Variants in TSHZ3 observed in about 807,000 individuals in gnomAD.
TSHZ3 encodes teashirt zinc finger homeobox 3.
TSHZ3 carries 10 observed loss-of-function variants against 64.5 expected under a neutral mutation model. That is an observed-to-expected ratio of 0.16 (90% confidence interval 0.10 to 0.26). The LOEUF is 0.26. TSHZ3 is among the 10% of genes least tolerant of loss of function. TSHZ3 has a pLI of 1.00. For synonymous variants in TSHZ3, 608 were observed against 593.1 expected, an observed-to-expected ratio of 1.03 and a Z score of -0.36; for missense variants, 1,242 against 1,421.7, an observed-to-expected ratio of 0.87 and a Z score of 2.03.
At chr19:31,206,926 T>C (rs931500697) in intron 4 of TSHZ3, among the ~76,000 whole-genome samples, 28 of 152,350 alleles carry the variant, frequency 1.8e-4, no homozygotes, top group Non-Finnish European at 3.1e-4. Flanking sequence ...TCTAGTGTTA[T>C]AGAAGAAACA....
At chr19:31,240,462 C>G (rs796719907) in intron 3 of TSHZ3, among the ~76,000 whole-genome samples, 5 of 152,260 alleles carry the variant, frequency 3.3e-5, no homozygotes, top group African/African-American at 1.2e-4. Flanking sequence ...AAGACAGCTA[C>G]AGTCTCATAT....
chr19:31,288,127 T>G (rs1976497344), intron 1 of TSHZ3, among the ~76,000 whole-genome samples: 1 of 152,048 alleles, frequency 6.6e-6, no homozygotes, highest in Admixed American at 6.5e-5. Flanking sequence ...TTTTGTTTGT[T>G]AATCCTTTTT....
At chr19:31,308,117 C>T (rs1916350609) in intron 1 of TSHZ3, among the ~76,000 whole-genome samples, 1 of 152,146 alleles carries the variant, frequency 6.6e-6, no homozygotes, top group South Asian at 2.1e-4. Context: ...GAAAATAAAG[C>T]AGAATTGAAA....
chr19:31,338,554 T>A (rs548949962), intron 1 of TSHZ3, among the ~76,000 whole-genome samples: 1 of 151,878 alleles, frequency 6.6e-6, no homozygotes, highest in African/African-American at 2.4e-5. Context: ...GCTTTTCAGA[T>A]ACGGTGTTGG....
chr19:31,298,338 C>A (rs1489254866), intron 1 of TSHZ3, among the ~76,000 whole-genome samples: 1 of 152,108 alleles, frequency 6.6e-6, no homozygotes, highest in Non-Finnish European at 1.5e-5. Context: ...TCCCAGCCCT[C>A]CCCATACAGA....
At chr19:31,264,653 G>A (rs898263417) in intron 1 of TSHZ3, among the ~76,000 whole-genome samples, 1 of 151,924 alleles carries the variant, frequency 6.6e-6, no homozygotes, top group African/African-American at 2.4e-5. Context: ...TCTCACTGTT[G>A]TATGAAATCT....
downstream of TSHZ3, among the ~76,000 whole-genome samples, chr19:31,270,503 G>T (rs1051313254): frequency 1.3e-5 from 2 of 152,182 alleles, no homozygotes; most frequent in African/African-American, 4.8e-5. Flanking sequence ...TAGAGACAGG[G>T]TCTCACTATG....
At chr19:31,232,701 G>C (rs938240803) in intron 3 of TSHZ3, among the ~76,000 whole-genome samples, 1 of 152,088 alleles carries the variant, frequency 6.6e-6, no homozygotes, top group Non-Finnish European at 1.5e-5. Context: ...GCCTCTTAAA[G>C]TCAGTGACCT....
At chr19:31,181,105 G>A (rs575394268) in intron 5 of TSHZ3, among the ~76,000 whole-genome samples, 52 of 152,102 alleles carry the variant, frequency 3.4e-4, no homozygotes, top group African/African-American at 1.2e-3. Flanking sequence ...TTGACACCAA[G>A]GTTTTTAACT....
At chr19:31,334,570 T>C (rs901931484) in intron 1 of TSHZ3, among the ~76,000 whole-genome samples, 1 of 152,114 alleles carries the variant, frequency 6.6e-6, no homozygotes, top group Non-Finnish European at 1.5e-5. Flanking sequence ...GCCAGCAGGG[T>C]GGGGGCTGAG....
chr19:31,270,015 G>A (rs1461232274), downstream of TSHZ3, among the ~76,000 whole-genome samples: 2 of 152,250 alleles, frequency 1.3e-5, no homozygotes, highest in African/African-American at 4.8e-5. Flanking sequence ...TAAGGGCAGA[G>A]CAAGGTCACG....
intron 1 of TSHZ3, among the ~76,000 whole-genome samples, chr19:31,331,757 G>T (rs748344091): frequency 6.6e-6 from 1 of 152,258 alleles, no homozygotes; most frequent in African/African-American, 2.4e-5. Context: ...TGGTCCAGCC[G>T]GGACAGTCAA....
At chr19:31,348,476 A>T (rs546917105) in intron 1 of TSHZ3, among the ~76,000 whole-genome samples, 48 of 152,004 alleles carry the variant, frequency 3.2e-4, no homozygotes, top group African/African-American at 1.1e-3. Flanking sequence ...AAGAAAAAAA[A>T]AAAAAAAGGA....
intron 1 of TSHZ3, among the ~76,000 whole-genome samples, chr19:31,319,527 C>G (rs1342685588): frequency 6.6e-6 from 1 of 152,162 alleles, no homozygotes; most frequent in Non-Finnish European, 1.5e-5. Flanking sequence ...CAGCCACAAC[C>G]TGGGCTTCTC....
chr19:31,269,386 C>T (rs915705321), intron 1 of TSHZ3, among the ~76,000 whole-genome samples: 4 of 152,116 alleles, frequency 2.6e-5, no homozygotes, highest in Admixed American at 6.6e-5. Flanking sequence ...GGCGACCGTA[C>T]CTCCATTTTT....
chr19:31,231,880 C>T (rs893818878), intron 3 of TSHZ3, among the ~76,000 whole-genome samples: 9 of 152,148 alleles, frequency 5.9e-5, no homozygotes, highest in African/African-American at 1.9e-4. Context: ...CAAAGCCATA[C>T]AATGATGATC....
intron 1 of TSHZ3, among the ~76,000 whole-genome samples, chr19:31,246,193 A>G (rs1022695572): frequency 2.6e-5 from 4 of 152,238 alleles, no homozygotes; most frequent in African/African-American, 9.6e-5. Context: ...ATATAAAAAT[A>G]AGTCAAAACA....
At chr19:31,162,870 G>A (rs191602128) in intron 5 of TSHZ3, among the ~76,000 whole-genome samples, 93 of 152,302 alleles carry the variant, frequency 6.1e-4, no homozygotes, top group African/African-American at 2.0e-3. Context: ...CCTGGAAAGC[G>A]TGGGAAGTAA....
intron 3 of TSHZ3, among the ~76,000 whole-genome samples, chr19:31,233,627 GC>G (rs1334439563): frequency 6.6e-6 from 1 of 152,024 alleles, no homozygotes. Context: ...TTTAGTTAGT[GC>G]TTTTTGTGTT....
Sources: allele counts gnomAD v4.1 joint callset (sites outside exome capture counted in the v4.1 genomes callset), GRCh38; gene constraint gnomAD v4.1.1; transcripts MANE v1.5; gene names NCBI Gene and HGNC (gene_info 2026-07-23, HGNC 2026-07-21).